Variants in CNTN4 observed in about 807,000 individuals in gnomAD.
CNTN4 encodes contactin-4.
CNTN4 carries 77 observed loss-of-function variants against 122.5 expected under a neutral mutation model. The observed-to-expected ratio is 0.63, with a 90% confidence interval of 0.52 to 0.76. CNTN4 has a LOEUF of 0.76. Ranked by LOEUF, CNTN4 falls within the 30% of genes least tolerant of loss-of-function variation. The pLI is 0.00. For missense variants in CNTN4, 1,256 were observed against 1,259.1 expected (o/e 1.00, Z 0.04); for synonymous variants, 512 against 447.0 (o/e 1.15, Z -1.83).
At chr3:2,953,017 C>G (rs2094762214) in intron 13 of CNTN4, among the ~76,000 whole-genome samples, 1 of 152,194 alleles carries the variant, frequency 6.6e-6, no homozygotes, top group Admixed American at 6.5e-5. Context: ...TCATCAACAT[C>G]AACTAACTTA....
At chr3:2,835,411 T>C (rs991423300) in intron 7 of CNTN4, among the ~76,000 whole-genome samples, 2 of 152,180 alleles carry the variant, frequency 1.3e-5, no homozygotes, top group African/African-American at 2.4e-5. Context: ...AATAATGTAA[T>C]AATGATTGGC....
At chr3:2,584,917 G>GTAGATAGATAGATAGATAGA (rs760860047) in intron 4 of CNTN4, among the ~76,000 whole-genome samples, 18 of 151,148 alleles carry the variant, frequency 1.2e-4, no homozygotes, top group African/African-American at 4.4e-4. Flanking sequence ...AGGTAGGTAG[G>GTAGATAGATAGATAGATAGA]TAGATAGATA....
chr3:2,865,700 A>G (rs999483642), intron 7 of CNTN4, among the ~76,000 whole-genome samples: 3 of 152,216 alleles, frequency 2.0e-5, no homozygotes, highest in African/African-American at 7.2e-5. Context: ...GAATCGTGGA[A>G]TGCCTGGAGC....
At position 2,867,025 on chromosome 3, in the gene CNTN4, C is replaced by T. The variant is rs2093731487; in HGVS notation, c.652+76C>T. The T allele has an allele frequency of 2.7e-5, 35 of 1,280,998 alleles. No homozygotes were observed. In the South Asian group the frequency reaches 4.1e-4, roughly 15 times the overall value. 79.4% of individuals were successfully genotyped at this position (1,280,998 alleles called of 1,614,324 possible). A position where few individuals can be genotyped will look rare whatever the true frequency, so the allele number is the denominator to read the frequency against. ...ATGTGGAGGTATGTTATGTTGTTGGCACATGAAGCTTTGTTGTCTAAATTA... is the reference window on the plus strand; with the variant it reads ...ATGTGGAGGTATGTTATGTTGTTGGTACATGAAGCTTTGTTGTCTAAATTA... On this transcript the variant is annotated intron_variant, in intron 8 of 24. Coordinates refer to ENST00000418658, the MANE Select transcript of CNTN4 (RefSeq NM_175607.3).
At chr3:2,710,741 T>C (rs983802718) in intron 4 of CNTN4, among the ~76,000 whole-genome samples, 1 of 152,180 alleles carries the variant, frequency 6.6e-6, no homozygotes, top group Non-Finnish European at 1.5e-5. Flanking sequence ...AATAATTTCA[T>C]AAAGTTTGTT....
At chr3:2,656,495 A>G (rs2083596901) in intron 4 of CNTN4, among the ~76,000 whole-genome samples, 1 of 152,196 alleles carries the variant, frequency 6.6e-6, no homozygotes. Context: ...TACATTGTAA[A>G]TTCCATGAAG....
intron 4 of CNTN4, among the ~76,000 whole-genome samples, chr3:2,670,212 A>G (rs1011545633): frequency 1.7e-4 from 26 of 152,172 alleles, no homozygotes; most frequent in African/African-American, 5.8e-4. Context: ...TCCCATTATT[A>G]TTGTGTGGGA....
At chr3:2,607,558 T>G (rs1007279981) in intron 4 of CNTN4, among the ~76,000 whole-genome samples, 1 of 142,150 alleles carries the variant, frequency 7.0e-6, no homozygotes, top group Non-Finnish European at 1.6e-5. Context: ...GTAATGCTCT[T>G]TATATATATT....
chr3:2,706,333 G>A (rs561865608), intron 4 of CNTN4, among the ~76,000 whole-genome samples: 56 of 152,130 alleles, frequency 3.7e-4, no homozygotes, highest in African/African-American at 1.1e-3. Flanking sequence ...TGTCATTTCT[G>A]AGAAAATAGT....
chr3:2,979,895 T>C (rs1413335012), intron 13 of CNTN4, among the ~76,000 whole-genome samples: 2 of 152,224 alleles, frequency 1.3e-5, no homozygotes, highest in Non-Finnish European at 2.9e-5. Flanking sequence ...TTAGGCTTCC[T>C]GCTGAACTGC....
chr3:2,464,596 C>T (rs1341551595), intron 3 of CNTN4, among the ~76,000 whole-genome samples: 1 of 151,922 alleles, frequency 6.6e-6, no homozygotes, highest in South Asian at 2.1e-4. Context: ...GGATCACAAT[C>T]GCCTGGGGAC....
At chr3:2,687,624 C>T (rs371582251) in intron 4 of CNTN4, among the ~76,000 whole-genome samples, 5 of 152,244 alleles carry the variant, frequency 3.3e-5, no homozygotes, top group Admixed American at 1.3e-4. Flanking sequence ...CACTCCACTC[C>T]GAACAAGATC....
At chr3:2,741,565 A>G (rs1391106974) in intron 5 of CNTN4, among the ~76,000 whole-genome samples, 1 of 152,242 alleles carries the variant, frequency 6.6e-6, no homozygotes, top group Non-Finnish European at 1.5e-5. Flanking sequence ...GCAAGCCAGA[A>G]TGAATAGTTA....
intron 3 of CNTN4, among the ~76,000 whole-genome samples, chr3:2,465,843 T>C (rs753136010): frequency 1.1e-4 from 17 of 152,182 alleles, no homozygotes; most frequent in Non-Finnish European, 2.1e-4. Flanking sequence ...TGAGGTGCTA[T>C]AGGTCTACAG....
At chr3:2,997,672 T>G (rs990350534) in intron 14 of CNTN4, among the ~76,000 whole-genome samples, 1 of 152,214 alleles carries the variant, frequency 6.6e-6, no homozygotes, top group Non-Finnish European at 1.5e-5. Context: ...AATTAACATT[T>G]TCATCATCTC....
At chr3:2,778,192 C>A (rs1026843650) in intron 6 of CNTN4, among the ~76,000 whole-genome samples, 9 of 112,316 alleles carry the variant, frequency 8.0e-5, no homozygotes, top group African/African-American at 2.9e-4. Context: ...CCAGCCTGGG[C>A]GACAGAGCGA....
At chr3:2,670,626 T>C (rs1363385871) in intron 4 of CNTN4, among the ~76,000 whole-genome samples, 1 of 152,202 alleles carries the variant, frequency 6.6e-6, no homozygotes, top group Admixed American at 6.5e-5. Flanking sequence ...GCGAATTTGA[T>C]CCTGTCATTA....
intron 4 of CNTN4, among the ~76,000 whole-genome samples, chr3:2,656,092 G>A (rs116082857): frequency 0.012 from 1,875 of 152,262 alleles, 26 homozygotes; most frequent in Non-Finnish European, 0.018. Flanking sequence ...CGTATTTGGC[G>A]AGAATGTTGA....
intron 13 of CNTN4, among the ~76,000 whole-genome samples, chr3:2,964,738 T>A (rs1239098762): frequency 6.6e-6 from 1 of 152,182 alleles, no homozygotes; most frequent in Non-Finnish European, 1.5e-5. Context: ...GTAAATTAAT[T>A]TTTAAAAATC....
Sources: allele counts gnomAD v4.1 joint callset (sites outside exome capture counted in the v4.1 genomes callset), GRCh38; gene constraint gnomAD v4.1.1; transcripts MANE v1.5; gene names NCBI Gene and HGNC (gene_info 2026-07-23, HGNC 2026-07-21).